LRRC8C: variants seen among roughly 807,000 people sequenced by gnomAD.
LRRC8C encodes leucine rich repeat containing 8 VRAC subunit C.
A neutral mutation model predicts 55.3 loss-of-function variants in LRRC8C; 20 were observed. That is an observed-to-expected ratio of 0.36 (90% CI 0.25 to 0.53). The LOEUF (loss-of-function observed/expected upper bound fraction) is 0.53. LRRC8C is among the 20% of genes least tolerant of loss of function. The pLI is 0.92. For missense variants in LRRC8C, 659 were observed against 951.4 expected, an observed-to-expected ratio of 0.69 and a Z score of 4.04; for synonymous variants, 376 against 360.7, an observed-to-expected ratio of 1.04 and a Z score of -0.48.
chr1:89,660,355 T>G (rs950808225), intron 1 of LRRC8C, among the ~76,000 whole-genome samples: 1 of 152,076 alleles, frequency 6.6e-6, no homozygotes, highest in African/African-American at 2.4e-5. Flanking sequence ...CACCTACATG[T>G]TGGAATCACT....
At chr1:89,667,871 C>G (rs74098164) in intron 1 of LRRC8C, among the ~76,000 whole-genome samples, 170 of 152,222 alleles carry the variant, frequency 1.1e-3, no homozygotes, top group African/African-American at 4.0e-3. Flanking sequence ...CCATTTCCTG[C>G]TTCTGGAAAC....
At chr1:89,653,969 T>C (rs1656864454) in intron 1 of LRRC8C, among the ~76,000 whole-genome samples, 1 of 152,282 alleles carries the variant, frequency 6.6e-6, no homozygotes, top group Admixed American at 6.5e-5. Context: ...ACAGCAAAGA[T>C]ATGGAATCAA....
chr1:89,707,173 G>T (rs1448991777), intron 2 of LRRC8C, among the ~76,000 whole-genome samples: 1 of 4,790 alleles, frequency 2.1e-4, no homozygotes, highest in East Asian at 5.3e-3. Context: ...TTGGGAGGCC[G>T]AGGCGGGTGG....
At chr1:89,658,993 G>A (rs1355222501) in intron 1 of LRRC8C, among the ~76,000 whole-genome samples, 3 of 150,438 alleles carry the variant, frequency 2.0e-5, no homozygotes, top group African/African-American at 7.4e-5. Flanking sequence ...ATTTAAAAGT[G>A]TCTCTGATAT....
intron 2 of LRRC8C, among the ~76,000 whole-genome samples, chr1:89,690,386 T>A (rs957282587): frequency 1.3e-5 from 2 of 151,952 alleles, no homozygotes; most frequent in Non-Finnish European, 1.5e-5. Flanking sequence ...AGGTTAGATT[T>A]GGGGTGGCTA....
intron 1 of LRRC8C, among the ~76,000 whole-genome samples, chr1:89,633,711 G>C (rs1329095129): frequency 6.6e-6 from 1 of 152,160 alleles, no homozygotes; most frequent in East Asian, 1.9e-4. Context: ...AAATCTCTGA[G>C]ACCCCGGGGC....
chr1:89,619,461 CA>C, the LRRC8C span, among the ~76,000 whole-genome samples: 350 of 149,272 alleles, frequency 2.3e-3, 1 homozygote, highest in Middle Eastern at 7.2e-3. Flanking sequence ...TTTAAATAAT[CA>C]AATAAACTTT....
chr1:89,711,285 G>A (rs527427912), intron 2 of LRRC8C, among the ~76,000 whole-genome samples: 1 of 152,312 alleles, frequency 6.6e-6, no homozygotes, highest in East Asian at 1.9e-4. Flanking sequence ...CTTCTATATG[G>A]TAGGCTGCTA....
chr1:89,701,261 G>C (rs192144280), intron 2 of LRRC8C, among the ~76,000 whole-genome samples: 12 of 152,300 alleles, frequency 7.9e-5, no homozygotes, highest in African/African-American at 2.4e-4. Context: ...CGGATCACGA[G>C]GTCAGGAGAT....
rs1656175810 is a variant in LRRC8C at position 89,633,286 on chromosome 1, C to T, written c.-41C>T. The T allele has an allele frequency of 6.6e-6, 1 of 152,496 alleles. No homozygotes were observed. The highest frequency in any genetic ancestry group is 2.1e-4 in the South Asian group (1 of 4,842). 9.4% of individuals were successfully genotyped at this position (152,496 alleles called of 1,614,324 possible). A position where few individuals can be genotyped will look rare whatever the true frequency, so the allele number is the denominator to read the frequency against. ...CGACCCCCAGGCAGCTCGCCGCTCC[C>T]TAGCACCTTCTCCAGTCGACACTCT... On this transcript the variant is annotated 5_prime_UTR_variant, in exon 1 of 3. Transcript: ENST00000370454.
rs200740286 is a variant in LRRC8C at position 89,659,051 on chromosome 1, T to TTTTTG, written c.-5+25733_-5+25734insGTTTT. Among the ~76,000 whole-genome samples the TTTTTG allele has an allele frequency of 5.4e-3, 191 of 35,426 alleles. 6 individuals are homozygous for TTTTTG. Among genetic ancestry groups the TTTTTG allele is most frequent in the African/African-American group, 6.6e-3 (75 of 11,284 alleles). The allele number at this position is 35,426 out of a possible 152,430, so 23.2% of individuals were successfully genotyped here. On this transcript the variant is annotated intron_variant, in intron 1 of 2. Coordinates refer to ENST00000370454, the MANE Select transcript of LRRC8C (RefSeq NM_032270.5). Reference sequence around the variant, plus strand: ...TTTTAGGTTGTGTCTTCTCCAGGTTTTTTTTTTTTTTGTGTGTGTGTGTGT... The same window carrying TTTTTG: ...TTTTAGGTTGTGTCTTCTCCAGGTTTTTTTGTTTTTTTTTTTGTGTGTGTGTGTGT...
At chr1:89,680,610 G>GAGTGCAGT (rs1408409572) in intron 1 of LRRC8C, among the ~76,000 whole-genome samples, 2 of 147,968 alleles carry the variant, frequency 1.4e-5, no homozygotes, top group South Asian at 2.1e-4. Flanking sequence ...TCCCAGGCTG[G>GAGTGCAGT]AGTGCAGTAG....
Position 89,714,307 on chromosome 1 carries a change from G to A in LRRC8C, c.1737G>A (p.Leu579=). ...GCATACATAATGATGGCACCAAGCTGGTGATGCTCAACAACTTAAAGAAGA... is the reference window on the plus strand; with the variant it reads ...GCATACATAATGATGGCACCAAGCTAGTGATGCTCAACAACTTAAAGAAGA... ...KMCIHNDGTK[L]VMLNNLKKMT... is the part of the protein sequence containing the mutation. Residue 579 remains leucine (L), a synonymous_variant, in exon 3 of 3, where the codon CTG becomes CTA. Coordinates refer to ENST00000370454, the MANE Select transcript of LRRC8C (RefSeq NM_032270.5). The surrounding 1 kb of genome is among the most constrained non-coding windows in gnomAD (Gnocchi z 4.6). 1 of 1,614,110 alleles carries A rather than the reference G, an allele frequency of 6.2e-7. No individual in the cohort carries two copies. The highest frequency in any genetic ancestry group is 8.5e-7 in the Non-Finnish European group (1 of 1,180,018).
At chr1:89,673,588 G>A (rs577314578) in intron 1 of LRRC8C, among the ~76,000 whole-genome samples, 47 of 152,028 alleles carry the variant, frequency 3.1e-4, no homozygotes, top group Non-Finnish European at 6.2e-4. Flanking sequence ...TTCTGACATA[G>A]GATGCAAATT....
chr1:89,714,030 C>G lies in LRRC8C; in HGVS notation c.1460C>G (p.Ser487Cys), dbSNP rs898867449. Residue 487 changes from serine to cysteine, a missense_variant, in exon 3 of 3, where the codon TCT becomes TGT. Around this residue, in one of 5 missense-constraint regions of LRRC8C, gnomAD observed 344 missense variants for 464.6 expected, o/e 0.74. Coordinates refer to ENST00000370454, the MANE Select transcript of LRRC8C (RefSeq NM_032270.5). The surrounding 1 kb of genome is among the most constrained non-coding windows in gnomAD (Gnocchi z 4.6). ...GTCAAAATCCACAGTGCGGCGCTCT[C>G]TTTCCTGAAGGAAAACCTCAAGGTC... ...CSVKIHSAAL[S>C]FLKENLKVLS... 4 of 1,613,706 alleles carry G rather than the reference C, an allele frequency of 2.5e-6. No individual in the cohort carries two copies. In the South Asian group the frequency reaches 4.4e-5, roughly 18 times the overall value.
intron 2 of LRRC8C, among the ~76,000 whole-genome samples, chr1:89,700,801 T>C (rs182687125): frequency 2.6e-5 from 4 of 152,238 alleles, no homozygotes; most frequent in African/African-American, 9.6e-5. Flanking sequence ...CTTGCCTTTT[T>C]GTGGCTCCAC....
chr1:89,646,955 G>A (rs923917184), intron 1 of LRRC8C, among the ~76,000 whole-genome samples: 3 of 152,120 alleles, frequency 2.0e-5, no homozygotes, highest in African/African-American at 7.2e-5. Context: ...TAAATCTGTT[G>A]ACAATCACCA....
chr1:89,650,314 A>G lies in LRRC8C; in HGVS notation c.-5+16992A>G, dbSNP rs147848514. 1.8e-4 allele frequency among the ~76,000 whole-genome samples: 27 copies of G among 152,284 alleles called. No homozygotes were observed. In the East Asian group the frequency reaches 5.2e-3, roughly 30 times the overall value. ...ACTCATAAATGAGGGAGCCAGCAGG[A>G]TGGCAAAACTGGTGCAAAGAGTGTT... On this transcript the variant is annotated intron_variant, in intron 1 of 2. Coordinates refer to ENST00000370454, the MANE Select transcript of LRRC8C (RefSeq NM_032270.5).
At chr1:89,700,087 C>T (rs1240912972) in intron 2 of LRRC8C, among the ~76,000 whole-genome samples, 2 of 152,106 alleles carry the variant, frequency 1.3e-5, no homozygotes, top group Non-Finnish European at 2.9e-5. Flanking sequence ...AAAATTAATT[C>T]CTTTCCCTTC....
Sources: allele counts gnomAD v4.1 joint callset (sites outside exome capture counted in the v4.1 genomes callset), GRCh38; gene constraint gnomAD v4.1.1; regional missense constraint gnomAD v4.1.1; non-coding constraint Gnocchi (gnomAD v3.1); transcripts MANE v1.5; gene names NCBI Gene and HGNC (gene_info 2026-07-23, HGNC 2026-07-21).